The following EDRF1 variants were observed in gnomAD, a reference collection of about 807,000 sequenced individuals.
EDRF1 encodes the protein erythroid differentiation-related factor 1.
Under a neutral mutation model 148.7 loss-of-function variants are expected in EDRF1, and 69 were observed. The ratio of observed to expected loss-of-function variants is 0.46; its 90% CI spans 0.38 to 0.57. The LOEUF is 0.57. Ranked by LOEUF, EDRF1 falls within the 20% of genes least tolerant of loss-of-function variation. The pLI, the probability that EDRF1 is intolerant of heterozygous loss-of-function variation, is 0.00. For missense variants in EDRF1, 1,118 were observed against 1,478.7 expected (o/e 0.76, Z 4.00); for synonymous variants, 515 against 532.8 (o/e 0.97, Z 0.46).
intron 1 of EDRF1, 79 bp downstream of exon 1, chr10:125,719,994 C>A: frequency 7.5e-7 from 1 of 1,337,392 alleles, no homozygotes; most frequent in Non-Finnish European, 1.1e-6. Flanking sequence ...TGCCACGGTT[C>A]CCGGCAGATT....
chr10:125,757,218 AT>A (rs34864039), intron 24 of EDRF1: 1 of 202,610 alleles, frequency 4.9e-6, no homozygotes, highest in Non-Finnish European at 1.0e-5. Flanking sequence ...CTGTGATTCC[AT>A]TTTATTTCAC....
intron 15 of EDRF1, 24 bp from the exon 16 acceptor site, chr10:125,740,439 T>C (rs1477175754): frequency 1.3e-6 from 2 of 1,594,034 alleles, no homozygotes; most frequent in Non-Finnish European, 1.7e-6. Flanking sequence ...ATGTGCTGTC[T>C]TTTTTTTTCT....
Position 125,740,669 on chromosome 10 carries a change from A to C in EDRF1, c.2170+18A>C, listed in dbSNP as rs1389120460. 8 of 1,608,490 alleles carry C rather than the reference A, an allele frequency of 5.0e-6. No homozygotes were observed. The highest frequency in any genetic ancestry group is 1.1e-5 in the South Asian group (1 of 90,980). On this transcript the variant is annotated intron_variant, in intron 16 of 24. Transcript: ENST00000356792. ...AAGCCATGGTAAGCCACTATAAATG[A>C]ATATGTTTAATAGGCACTGGGAAGA...
chr10:125,738,183 T>C, intron 14 of EDRF1, 112 bp from the exon 15 acceptor site: 3 of 1,451,364 alleles, frequency 2.1e-6, no homozygotes, highest in Non-Finnish European at 2.9e-6. Flanking sequence ...AAAGTCTGTT[T>C]GTGAGATGGA....
At chr10:125,734,307 G>A (rs1277252986) in intron 12 of EDRF1, 124 bp downstream of exon 12, 1 of 752,122 alleles carries the variant, frequency 1.3e-6, no homozygotes, top group Admixed American at 2.0e-5. Flanking sequence ...GTAGCCATTA[G>A]CACATGTGGC....
intron 9 of EDRF1, among the ~76,000 whole-genome samples, chr10:125,732,449 T>TG (rs1162898575): frequency 6.6e-6 from 1 of 152,190 alleles, no homozygotes; most frequent in African/African-American, 2.4e-5. Flanking sequence ...ATTTTGAAGT[T>TG]GCAGCCATTA....
intron 2 of EDRF1, among the ~76,000 whole-genome samples, chr10:125,722,618 TA>T (rs1848063479): frequency 6.6e-6 from 1 of 152,200 alleles, no homozygotes; most frequent in Admixed American, 6.5e-5. Flanking sequence ...TTTTTTCATG[TA>T]TTTTTTTAAG....
At chr10:125,735,226 A>G (rs1848669591) in intron 12 of EDRF1, among the ~76,000 whole-genome samples, 1 of 152,058 alleles carries the variant, frequency 6.6e-6, no homozygotes, top group South Asian at 2.1e-4. Flanking sequence ...AGATTATATG[A>G]TAAATATTAG....
intron 24 of EDRF1, among the ~76,000 whole-genome samples, chr10:125,756,144 G>A (rs578232025): frequency 6.6e-5 from 10 of 152,000 alleles, no homozygotes; most frequent in East Asian, 3.9e-4. Context: ...GTATATTTTC[G>A]TTTTCATTTG....
chr10:125,748,670 G>A (rs1849495035), intron 21 of EDRF1: 1 of 155,620 alleles, frequency 6.4e-6, no homozygotes, highest in African/African-American at 2.4e-5. Context: ...ATTCTGAAAA[G>A]TATCTTTTGA....
intron 24 of EDRF1, chr10:125,756,966 C>T (rs557046637): frequency 3.8e-5 from 15 of 399,314 alleles, no homozygotes; most frequent in South Asian, 1.5e-4. Context: ...GTGTGCCCCA[C>T]GACACCCAAC....
chr10:125,732,886 CT>C (rs1848541943), intron 9 of EDRF1, among the ~76,000 whole-genome samples: 1 of 152,116 alleles, frequency 6.6e-6, no homozygotes, highest in Non-Finnish European at 1.5e-5. Flanking sequence ...CCATTCCCCC[CT>C]GCTCCATCCC....
At position 125,747,518 on chromosome 10, in the gene EDRF1, C is replaced by T. The variant is rs764210436; in HGVS notation, c.2815-18C>T. 3.2e-5 allele frequency: 51 copies of T among 1,613,910 alleles called. No homozygotes were observed. The highest frequency in any genetic ancestry group is 3.7e-5 in the Non-Finnish European group (44 of 1,179,934). ...GTTTAAGCTGAGTCAGAAATGTACA[C>T]TGTTTTCTCCTTTGCAGGCTATTGA... On this transcript the variant is annotated intron_variant, in intron 19 of 24. Transcript: ENST00000356792.
chr10:125,737,168 T>C (rs1458284699), intron 13 of EDRF1, among the ~76,000 whole-genome samples: 1 of 152,208 alleles, frequency 6.6e-6, no homozygotes, highest in Non-Finnish European at 1.5e-5. Flanking sequence ...GAAAACTGCA[T>C]TGTAACACTA....
intron 9 of EDRF1, among the ~76,000 whole-genome samples, chr10:125,730,936 G>C (rs1848457277): frequency 6.6e-6 from 1 of 152,104 alleles, no homozygotes; most frequent in African/African-American, 2.4e-5. Flanking sequence ...TTGAAGCCGA[G>C]AGTTCAAGAC....
intron 8 of EDRF1, 137 bp downstream of exon 8, chr10:125,729,616 G>A (rs1589827001): frequency 2.1e-5 from 24 of 1,148,228 alleles, no homozygotes; most frequent in Middle Eastern, 2.2e-4. Context: ...AGCAAGACTC[G>A]TCTCAAAAAA....
intron 9 of EDRF1, among the ~76,000 whole-genome samples, chr10:125,732,586 A>G (rs1389666320): frequency 1.3e-5 from 2 of 152,124 alleles, no homozygotes; most frequent in East Asian, 3.9e-4. Flanking sequence ...AGAGAGAGAG[A>G]AGGAGAACAA....
intron 9 of EDRF1, among the ~76,000 whole-genome samples, chr10:125,732,624 G>C (rs780081893): frequency 4.6e-5 from 7 of 152,092 alleles, no homozygotes; most frequent in Non-Finnish European, 7.4e-5. Flanking sequence ...ATACAGGAAA[G>C]GAGCATTTTA....
rs200120960 is a variant in EDRF1 at position 125,733,646 on chromosome 10, G to A, written c.1288G>A (p.Asp430Asn). The A allele has an allele frequency of 2.3e-5, 37 of 1,613,304 alleles. No individual in the cohort carries two copies. The highest frequency in any genetic ancestry group is 2.7e-5 in the Non-Finnish European group (32 of 1,179,494). The stretch of plus-strand genomic sequence containing the variant: ...GTTTTTCTTTTCAGCAAGTGGCAGC[G>A]ATATAGTGAAGCTCTATGACCTCAC... ...TYWLFKASGSDIVKLYDLTTL... is the reference protein window; with the variant it reads ...TYWLFKASGSNIVKLYDLTTL... Residue 430 changes from aspartate to asparagine, a missense_variant, in exon 11 of 25, where the codon GAT (aspartate) becomes AAT (asparagine). Physicochemically the swap from Asp to Asn is conservative, Grantham distance 23. Coordinates refer to ENST00000356792, the MANE Select transcript of EDRF1 (RefSeq NM_001202438.2).
Sources: gnomAD v4.1 joint callset for allele counts (sites outside exome capture counted in the v4.1 genomes callset) on GRCh38, gnomAD v4.1.1 for gene constraint, MANE v1.5 for transcripts, NCBI Gene and HGNC (gene_info 2026-07-23, HGNC 2026-07-21) for gene names.